DOCK1: variants seen among roughly 807,000 people sequenced by gnomAD.
DOCK1 encodes the protein dedicator of cytokinesis 1.
A neutral mutation model predicts 262.7 loss-of-function variants in DOCK1; 138 were observed. The observed-to-expected ratio is 0.53, with a 90% CI of 0.46 to 0.61. The LOEUF (loss-of-function observed/expected upper bound fraction) is 0.61, where lower values mean the gene tolerates loss of function less well. Ranked by LOEUF, DOCK1 falls within the 20% of genes least tolerant of loss-of-function variation. DOCK1 has a pLI of 0.00. For synonymous variants in DOCK1, 866 were observed against 867.4 expected, an observed-to-expected ratio of 1.00 and a Z score of 0.03; for missense variants, 1,908 against 2,370.7, an observed-to-expected ratio of 0.80 and a Z score of 4.05.
rs77895765 is a variant in DOCK1, at chr10:127,312,212, A to G, written c.3045-26794A>G. ...GCCTAAGAAGAAGAGAATTGGGGCT[A>G]TTAAACTTGCAGGTTTGCAGGTATC... On this transcript the variant is annotated intron_variant, in intron 29 of 51. Transcript: ENST00000623213. 5.3e-3 allele frequency among the ~76,000 whole-genome samples: 804 copies of G among 152,316 alleles called. 6 individuals carry two copies. The highest frequency in any genetic ancestry group is 0.019 in the African/African-American group (773 of 41,574).
chr10:127,090,179 A>G (rs966068169), intron 23 of DOCK1, among the ~76,000 whole-genome samples: 10 of 152,122 alleles, frequency 6.6e-5, no homozygotes, highest in African/African-American at 2.4e-4. Flanking sequence ...TAATGAAGGC[A>G]CTGGCACTGA....
chr10:127,223,601 T>G (rs2058522297), intron 27 of DOCK1, among the ~76,000 whole-genome samples: 1 of 152,180 alleles, frequency 6.6e-6, no homozygotes, highest in South Asian at 2.1e-4. Context: ...AACTCTGAAA[T>G]AATCTGCAAT....
chr10:127,127,850 A>G, intron 27 of DOCK1, 86 bp downstream of exon 27: 1 of 1,165,322 alleles, frequency 8.6e-7, no homozygotes, highest in Middle Eastern at 2.0e-4. Flanking sequence ...AGCTTATTAT[A>G]CTGCAATGTA....
At chr10:127,316,301 A>G (rs902877608) in intron 29 of DOCK1, among the ~76,000 whole-genome samples, 2 of 152,148 alleles carry the variant, frequency 1.3e-5, no homozygotes, top group Non-Finnish European at 1.5e-5. Context: ...TTTAACTTAT[A>G]TCTGCCCATT....
At chr10:127,097,308 T>G (rs2047969488) in intron 23 of DOCK1, among the ~76,000 whole-genome samples, 1 of 152,160 alleles carries the variant, frequency 6.6e-6, no homozygotes, top group African/African-American at 2.4e-5. Flanking sequence ...AGTTCCTGAT[T>G]GCCTGGATAT....
intron 38 of DOCK1, among the ~76,000 whole-genome samples, chr10:127,398,954 G>A (rs2067071905): frequency 6.6e-6 from 1 of 152,150 alleles, no homozygotes; most frequent in African/African-American, 2.4e-5. Flanking sequence ...ACTAAGGAAG[G>A]AGCTTTATTA....
chr10:126,939,749 G>A (rs2034848932), intron 1 of DOCK1, among the ~76,000 whole-genome samples: 1 of 152,216 alleles, frequency 6.6e-6, no homozygotes, highest in African/African-American at 2.4e-5. Context: ...CTGTAGTTCA[G>A]GGAAGTGGAT....
At chr10:127,427,566 G>T (rs77700491) in intron 47 of DOCK1, among the ~76,000 whole-genome samples, 244 of 152,272 alleles carry the variant, frequency 1.6e-3, no homozygotes, top group African/African-American at 5.7e-3. Flanking sequence ...AGGGACATGG[G>T]AAGGTAAGTA....
intron 42 of DOCK1, among the ~76,000 whole-genome samples, chr10:127,410,548 T>C (rs1365364822): frequency 6.6e-6 from 1 of 152,262 alleles, no homozygotes; most frequent in Non-Finnish European, 1.5e-5. Flanking sequence ...CAAAAGCTTT[T>C]TTCTCTCTCC....
At chr10:127,260,805 CTG>C (rs150388896) in intron 29 of DOCK1, among the ~76,000 whole-genome samples, 10 of 88,156 alleles carry the variant, frequency 1.1e-4, no homozygotes, top group Admixed American at 3.7e-4. Flanking sequence ...CCGTGCTCAT[CTG>C]TGTGTCCCTG....
chr10:127,103,756 T>C (rs530676941), intron 23 of DOCK1, among the ~76,000 whole-genome samples: 7 of 152,306 alleles, frequency 4.6e-5, no homozygotes, highest in South Asian at 4.1e-4. Flanking sequence ...GTTAACCTTA[T>C]GAGGATGCCT....
intron 2 of DOCK1, among the ~76,000 whole-genome samples, chr10:126,977,013 G>A (rs1209135046): frequency 2.6e-5 from 4 of 152,198 alleles, no homozygotes; most frequent in Non-Finnish European, 5.9e-5. Flanking sequence ...AGGATTATAG[G>A]CGTGAGCCAC....
chr10:127,205,251 T>C (rs1374279744), intron 27 of DOCK1, among the ~76,000 whole-genome samples: 1 of 152,168 alleles, frequency 6.6e-6, no homozygotes, highest in African/African-American at 2.4e-5. Context: ...CATACGTTAT[T>C]GGCTCTTTCC....
At chr10:127,207,808 C>CT (rs1225442721) in intron 27 of DOCK1, among the ~76,000 whole-genome samples, 2 of 152,170 alleles carry the variant, frequency 1.3e-5, no homozygotes, top group African/African-American at 4.8e-5. Context: ...TCCAACAAAA[C>CT]TTTATTTACA....
intron 51 of DOCK1, among the ~76,000 whole-genome samples, chr10:127,450,894 C>T (rs2070918004): frequency 1.3e-5 from 2 of 152,132 alleles, no homozygotes; most frequent in African/African-American, 2.4e-5. Context: ...TGCCAAAAAG[C>T]TGGAAATATG....
chr10:127,153,214 C>A (rs2052683270), intron 27 of DOCK1, among the ~76,000 whole-genome samples: 1 of 152,214 alleles, frequency 6.6e-6, no homozygotes, highest in African/African-American at 2.4e-5. Flanking sequence ...GATAGCCATC[C>A]TTCTGAAGGT....
chr10:127,243,224 T>C (rs1046110048), intron 27 of DOCK1, among the ~76,000 whole-genome samples: 2 of 152,222 alleles, frequency 1.3e-5, no homozygotes, highest in African/African-American at 4.8e-5. Context: ...ATTTTTTTCT[T>C]CTAATTCATA....
chr10:127,444,182 C>G lies in DOCK1; in HGVS notation c.5316C>G (p.Ser1772Arg), dbSNP rs143736792. ...PKSQVMNVIG[S>R]ERRFSVSPSS... ...GCCAGGTGATGAACGTCATTGGAAG[C>G]GAAAGGCGCTTCTCGGTGTCCCCCT... is the stretch of plus-strand genomic sequence containing the variant. The change falls in exon 50 of 52, where the codon AGC becomes AGG. Residue 1772 changes from serine (S) to arginine (R), a missense_variant. By Grantham distance (110) the Ser-to-Arg change is moderately radical. Around this residue, in one of 9 missense-constraint regions of DOCK1, gnomAD observed 383 missense variants for 420.1 expected, o/e 0.91. Transcript: ENST00000623213. The G allele has an allele frequency of 1.7e-5, 27 of 1,600,962 alleles. No individual in the cohort carries two copies. The highest frequency in any genetic ancestry group is 2.1e-5 in the Non-Finnish European group (25 of 1,174,696).
At chr10:127,414,820 G>T (rs549932420) in intron 43 of DOCK1, among the ~76,000 whole-genome samples, 1 of 152,286 alleles carries the variant, frequency 6.6e-6, no homozygotes, top group East Asian at 1.9e-4. Context: ...CTCAAAATCT[G>T]TTTGCTCAAG....
Sources: gnomAD v4.1 joint callset for allele counts (sites outside exome capture counted in the v4.1 genomes callset) on GRCh38, gnomAD v4.1.1 for gene constraint, gnomAD v4.1.1 regional missense constraint, MANE v1.5 for transcripts, NCBI Gene and HGNC (gene_info 2026-07-23, HGNC 2026-07-21) for gene names.